Variants in EPHA7 observed in about 807,000 individuals in gnomAD.
The protein encoded by EPHA7 is ephrin type-A receptor 7.
EPHA7 carries 25 observed loss-of-function variants against 112.6 expected under a neutral mutation model. The observed-to-expected ratio is 0.22, with a 90% CI of 0.16 to 0.31. The LOEUF is 0.31. Among genes scored for constraint, EPHA7 ranks in the 10% least tolerant of loss-of-function variants. EPHA7 has a pLI of 1.00. For synonymous variants in EPHA7, 437 were observed against 406.5 expected, an observed-to-expected ratio of 1.07 and a Z score of -0.90; for missense variants, 962 against 1,212.6, an observed-to-expected ratio of 0.79 and a Z score of 3.07.
At chr6:93,409,963 A>G (rs1778898605) in intron 3 of EPHA7, 1 of 151,290 alleles carries the variant, frequency 6.6e-6, no homozygotes, top group Non-Finnish European at 1.5e-5. Context: ...GAGATTTTGT[A>G]AGTGAAATTT....
chr6:93,297,181 T>C (rs887390391), intron 5 of EPHA7, among the ~76,000 whole-genome samples: 2 of 152,094 alleles, frequency 1.3e-5, no homozygotes, highest in Non-Finnish European at 2.9e-5. Flanking sequence ...TATAATTACC[T>C]AATTTAATCC....
In EPHA7 at chr6:93,412,769, G is replaced by A. The variant is rs569439013; in HGVS notation, c.163-1599C>T. ...CTACCAAAAAATCAAAAGCTCCAAA[G>A]ATAAATGTGCTCCTTTTTAACAACT... On this transcript the variant is annotated intron_variant, in intron 2 of 16. Transcript: ENST00000369303. Among the ~76,000 whole-genome samples, 104 of 152,056 alleles carry A rather than the reference G, an allele frequency of 6.8e-4. 1 individual carries two copies. Among genetic ancestry groups the A allele is most frequent in the African/African-American group, 2.4e-3 (99 of 41,546 alleles).
At chr6:93,400,066 T>C (rs746386741) in intron 3 of EPHA7, among the ~76,000 whole-genome samples, 3 of 152,022 alleles carry the variant, frequency 2.0e-5, no homozygotes, top group Non-Finnish European at 4.4e-5. Context: ...GGGCATATCC[T>C]ACCGCACATC....
At chr6:93,377,572 A>G (rs897948840) in intron 3 of EPHA7, among the ~76,000 whole-genome samples, 2 of 151,840 alleles carry the variant, frequency 1.3e-5, no homozygotes, top group African/African-American at 4.8e-5. Context: ...TGTGCTACAT[A>G]GATTTAAGTT....
At chr6:93,259,811 T>G (rs1412511938) in intron 9 of EPHA7, among the ~76,000 whole-genome samples, 1 of 152,012 alleles carries the variant, frequency 6.6e-6, no homozygotes, top group Non-Finnish European at 1.5e-5. Context: ...TCAAGCCATA[T>G]TAAGGTTTGT....
At chr6:93,383,434 G>A (rs946983584) in intron 3 of EPHA7, among the ~76,000 whole-genome samples, 1 of 151,970 alleles carries the variant, frequency 6.6e-6, no homozygotes, top group Non-Finnish European at 1.5e-5. Context: ...TTAAAGTTAT[G>A]TGAGATTAAG....
At chr6:93,416,402 C>G (rs561203364) in intron 1 of EPHA7, among the ~76,000 whole-genome samples, 1 of 152,212 alleles carries the variant, frequency 6.6e-6, no homozygotes, top group African/African-American at 2.4e-5. Flanking sequence ...TGGGTCATTT[C>G]TGAGAGTGAA....
chr6:93,414,526 T>C (rs1001688135), intron 2 of EPHA7, among the ~76,000 whole-genome samples, 177 bp downstream of exon 2: 1 of 151,884 alleles, frequency 6.6e-6, no homozygotes, highest in Admixed American at 6.6e-5. Flanking sequence ...AAGTTCTAAG[T>C]ATACCCTCTC....
At chr6:93,389,053 A>T (rs1412720002) in intron 3 of EPHA7, among the ~76,000 whole-genome samples, 1 of 152,086 alleles carries the variant, frequency 6.6e-6, no homozygotes, top group African/African-American at 2.4e-5. Context: ...GTGCAGTAGG[A>T]TGTACAGAAA....
chr6:93,376,069 G>A (rs985572166), intron 3 of EPHA7, among the ~76,000 whole-genome samples: 1 of 152,140 alleles, frequency 6.6e-6, no homozygotes, highest in African/African-American at 2.4e-5. Context: ...ATAATCAAGA[G>A]AGGAAGAGAG....
chr6:93,417,699 G>A (rs976737602), intron 1 of EPHA7, among the ~76,000 whole-genome samples: 1 of 152,166 alleles, frequency 6.6e-6, no homozygotes, highest in Admixed American at 6.5e-5. Context: ...CAGGGCTGAA[G>A]GTTTCTGATC....
intron 5 of EPHA7, among the ~76,000 whole-genome samples, chr6:93,333,381 A>T (rs1296943614): frequency 6.6e-6 from 1 of 151,916 alleles, no homozygotes; most frequent in East Asian, 1.9e-4. Context: ...AGAATAATTT[A>T]TATTCCTTTC....
chr6:93,346,412 G>T (rs183028494), intron 5 of EPHA7, among the ~76,000 whole-genome samples: 137 of 151,802 alleles, frequency 9.0e-4, no homozygotes, highest in Admixed American at 8.8e-3. Flanking sequence ...ATGACTCATG[G>T]AACAAAACCT....
rs3807004 is a variant in EPHA7 at position 93,361,431 on chromosome 6, G to C, written c.833-3020C>G. On this transcript the variant is annotated intron_variant, in intron 3 of 16. Coordinates refer to ENST00000369303, the MANE Select transcript of EPHA7 (RefSeq NM_004440.4). ...TGATCTACTGGGTGGAAAAAGCTTGGGAAAGCAGTAACAGATGCTCTTAAC... is the reference window on the plus strand; with the variant it reads ...TGATCTACTGGGTGGAAAAAGCTTGCGAAAGCAGTAACAGATGCTCTTAAC... 1.9e-3 allele frequency among the ~76,000 whole-genome samples: 285 copies of C among 152,128 alleles called. 8 individuals carry two copies. In the East Asian group the frequency reaches 0.048, roughly 25 times the overall value.
At chr6:93,382,558 T>C (rs1300953124) in intron 3 of EPHA7, among the ~76,000 whole-genome samples, 1 of 152,160 alleles carries the variant, frequency 6.6e-6, no homozygotes, top group Non-Finnish European at 1.5e-5. Context: ...TAAACTTTTA[T>C]TCACTCTGCT....
chr6:93,282,428 T>C (rs962595611), intron 5 of EPHA7, among the ~76,000 whole-genome samples: 1 of 152,240 alleles, frequency 6.6e-6, no homozygotes, highest in Non-Finnish European at 1.5e-5. Flanking sequence ...TTTTAAAAAA[T>C]AAATTAGAAT....
chr6:93,272,349 T>G lies in EPHA7; in HGVS notation c.1398A>C (p.Pro466=), dbSNP rs759205054. 6.2e-7 allele frequency: 1 copy of G among 1,612,252 alleles called. No individual in the cohort carries two copies. The highest frequency in any genetic ancestry group is 1.1e-5 in the South Asian group (1 of 91,060). ...CTGTGATGACTCCATTGGGATGCTC[T>G]GGTTCCTGCCAGGAAAGCTCGACAC... is the stretch of plus-strand genomic sequence containing the variant. ...QRSVELSWQE[P]EHPNGVITEY... The change falls in exon 6 of 17, where the codon CCA becomes CCC. Residue 466 remains proline (P), a synonymous_variant. Coordinates refer to ENST00000369303, the MANE Select transcript of EPHA7 (RefSeq NM_004440.4).
chr6:93,340,665 T>C (rs1775094718), intron 5 of EPHA7, among the ~76,000 whole-genome samples: 2 of 151,914 alleles, frequency 1.3e-5, no homozygotes, highest in South Asian at 4.1e-4. Context: ...TAATTGCAAG[T>C]AAGCCACTTT....
At chr6:93,273,565 G>A (rs1002686129) in intron 5 of EPHA7, among the ~76,000 whole-genome samples, 1 of 151,846 alleles carries the variant, frequency 6.6e-6, no homozygotes, top group Non-Finnish European at 1.5e-5. Context: ...CGATTTTGAA[G>A]GAAGGACATG....
Sources: gnomAD v4.1 joint callset for allele counts (sites outside exome capture counted in the v4.1 genomes callset) on GRCh38, gnomAD v4.1.1 for gene constraint, MANE v1.5 for transcripts, NCBI Gene and HGNC (gene_info 2026-07-23, HGNC 2026-07-21) for gene names.